BEST1: variants seen among roughly 807,000 people sequenced by gnomAD.
The protein encoded by BEST1 is bestrophin 1, also known as bestrophin-1.
Under a neutral mutation model 63.3 loss-of-function variants are expected in BEST1, and 58 were observed. The observed-to-expected ratio is 0.92, with a 90% CI of 0.74 to 1.14. The LOEUF (loss-of-function observed/expected upper bound fraction) is 1.14, where lower values mean the gene tolerates loss of function less well. Ranked by LOEUF, BEST1 falls within the 50% of genes most tolerant of loss-of-function variation. The probability of loss-of-function intolerance (pLI) is 0.00; values close to 1 mark genes in which losing one functional copy is unlikely to be tolerated. For missense variants in BEST1, 671 were observed against 740.1 expected (o/e 0.91, Z 1.08); for synonymous variants, 283 against 291.6 (o/e 0.97, Z 0.30).
At chr11:61,964,050 T>G (rs1942353820) in intron 10 of BEST1, 54 bp from the exon 11 acceptor site, 3 of 1,612,514 alleles carry the variant, frequency 1.9e-6, no homozygotes, top group East Asian at 2.2e-5. Flanking sequence ...ATTTTGGTAT[T>G]TGAAATGAAG....
Position 61,958,313 on chromosome 11 carries a change from G to A in BEST1, c.867+15G>A, listed in dbSNP as rs957539612. 1.2e-6 allele frequency: 2 copies of A among 1,614,078 alleles called. No individual in the cohort carries two copies. The highest frequency in any genetic ancestry group is 1.7e-6 in the Non-Finnish European group (2 of 1,180,036). ...GCTGGCTGAAGGTGGGCCTCTCCAG[G>A]GCCCTGCTGGGCTGGAGGCATGGCC... On this transcript the variant is annotated intron_variant, in intron 7 of 10. Transcript: ENST00000378043.
At chr11:61,949,914 A>G (rs1312328310), upstream of BEST1, 6 of 152,328 alleles carry the variant, frequency 3.9e-5, no homozygotes, top group African/African-American at 1.4e-4. Context: ...AGGACTGTTG[A>G]CTGCAGCCCG....
intron 9 of BEST1, 171 bp from the exon 10 acceptor site, chr11:61,962,083 CG>C (rs1403950763): frequency 1.1e-5 from 7 of 665,550 alleles, no homozygotes; most frequent in East Asian, 5.4e-5. Flanking sequence ...GAGGGATCAC[CG>C]GGAGGTACAG....
chr11:61,958,403 G>T, intron 7 of BEST1, 105 bp downstream of exon 7: 1 of 1,585,482 alleles, frequency 6.3e-7, no homozygotes, highest in Non-Finnish European at 8.6e-7. Flanking sequence ...AGGTCTCACG[G>T]GTAGAAAGCA....
At chr11:61,951,514 A>T (rs780930453) in intron 1 of BEST1, among the ~76,000 whole-genome samples, 9 of 152,168 alleles carry the variant, frequency 5.9e-5, no homozygotes, top group Non-Finnish European at 1.3e-4. Context: ...CAGTGATTAT[A>T]GAAAGTTAAA....
chr11:61,954,183 A>C (rs541918434), intron 2 of BEST1, among the ~76,000 whole-genome samples: 38 of 152,276 alleles, frequency 2.5e-4, no homozygotes, highest in Non-Finnish European at 4.0e-4. Flanking sequence ...ATTGAGCAGA[A>C]GGTAGAGTTC....
rs756778385 is a variant in BEST1 at position 61,955,830 on chromosome 11, A to G, written c.360A>G (p.Gln120=). The change falls in exon 4 of 11, where the codon CAA becomes CAG. Residue 120 remains glutamine (Q), a synonymous_variant. Transcript: ENST00000378043. Reference sequence around the variant, plus strand: ...GCTTCGTCGAAGGCAAGGACGAGCAAGGCCGGCTGCTGCGGCGCACGCTCA... The same window carrying G: ...GCTTCGTCGAAGGCAAGGACGAGCAGGGCCGGCTGCTGCGGCGCACGCTCA... The part of the protein sequence containing the change: ...VSGFVEGKDE[Q]GRLLRRTLIR... The G allele has an allele frequency of 6.4e-7, 1 of 1,550,400 alleles. No individual in the cohort carries two copies. The highest frequency in any genetic ancestry group is 1.4e-5 in the African/African-American group (1 of 73,042).
chr11:61,965,119 G>A (rs374746157), downstream of BEST1: 1 of 1,603,696 alleles, frequency 6.2e-7, no homozygotes, highest in South Asian at 1.1e-5. Context: ...GTTTCTGAAT[G>A]AGAATAGGTT....
intron 9 of BEST1, chr11:61,961,942 C>T (rs1309849347): frequency 2.4e-6 from 1 of 412,366 alleles, no homozygotes; most frequent in Non-Finnish European, 4.5e-6. Flanking sequence ...TTCTGACTGC[C>T]TGGAGTGAGG....
At chr11:61,965,085 C>T (rs368627145), downstream of BEST1, 6 of 1,607,170 alleles carry the variant, frequency 3.7e-6, no homozygotes, top group Non-Finnish European at 5.1e-6. Context: ...GCATTCAGCC[C>T]GCTCTCCCAG....
intron 10 of BEST1, chr11:61,963,835 C>T (rs1942322168): frequency 5.4e-6 from 7 of 1,284,982 alleles, no homozygotes; most frequent in Non-Finnish European, 7.0e-6. Context: ...GAAACCCCAT[C>T]TCTACCAAAA....
chr11:61,958,914 ACACACACACGC>A lies in BEST1; in HGVS notation c.868-583_868-573del, dbSNP rs1293818443. On this transcript the variant is annotated intron_variant, in intron 7 of 10. Coordinates refer to ENST00000378043, the MANE Select transcript of BEST1 (RefSeq NM_004183.4). ...CACACACACACACACACATACACACACACACACACGCATTCCTATTCCTCTAAATTCCCCCT... is the reference window on the plus strand; with the variant it reads ...CACACACACACACACACATACACACAATTCCTATTCCTCTAAATTCCCCCT... 14 of 194,854 alleles carry A rather than the reference ACACACACACGC, an allele frequency of 7.2e-5. 1 individual carries two copies. The highest frequency in any genetic ancestry group is 1.2e-4 in the Non-Finnish European group (12 of 101,398). 12.1% of individuals were successfully genotyped at this position (194,854 alleles called of 1,614,324 possible).
chr11:61,958,071 T>G, intron 6 of BEST1, 75 bp from the exon 7 acceptor site: 1 of 1,608,922 alleles, frequency 6.2e-7, no homozygotes, highest in Middle Eastern at 1.8e-4. Flanking sequence ...TGTCTCAGAC[T>G]CCCAGCCCCT....
At chr11:61,958,724 C>T (rs1018200574) in intron 7 of BEST1, 3 of 409,882 alleles carry the variant, frequency 7.3e-6, no homozygotes, top group African/African-American at 2.0e-5. Flanking sequence ...GCCAATACTC[C>T]GAACAGATGT....
At chr11:61,958,835 G>C (rs1461568174) in intron 7 of BEST1, 3 of 312,040 alleles carry the variant, frequency 9.6e-6, no homozygotes, top group Non-Finnish European at 1.9e-5. Flanking sequence ...TTTGGTAATG[G>C]GGGTGTAAGT....
chr11:61,951,644 G>A (rs1940669281), intron 1 of BEST1, 127 bp from the exon 2 acceptor site: 4 of 925,444 alleles, frequency 4.3e-6, no homozygotes, highest in East Asian at 5.3e-5. Context: ...GGGCCTTGGA[G>A]ACCACTTCAT....
intron 9 of BEST1, chr11:61,962,016 T>G (rs1591310710): frequency 8.9e-6 from 5 of 560,824 alleles, no homozygotes; most frequent in Non-Finnish European, 1.6e-5. Context: ...GTTGCGGGGG[T>G]TGGATGTTAA....
chr11:61,955,737 C>A lies in BEST1; in HGVS notation c.267C>A (p.Val89=). The change falls in exon 4 of 11, where the codon GTC becomes GTA. Residue 89 remains valine, a synonymous_variant. Coordinates refer to ENST00000378043, the MANE Select transcript of BEST1 (RefSeq NM_004183.4). ...GCCCAGGCTTCTACGTGACGCTGGT[C>A]GTGACCCGCTGGTGGAACCAGTACG... The part of the protein sequence containing the change: ...SFVLGFYVTL[V]VTRWWNQYEN... 6.5e-7 allele frequency: 1 copy of A among 1,546,832 alleles called. No individual in the cohort carries two copies. The highest frequency in any genetic ancestry group is 1.2e-5 in the South Asian group (1 of 83,924).
rs955214914 is a variant in BEST1, at chr11:61,951,914, C to A, written c.108C>A (p.Phe36Leu). ...GSIYKLLYGE[F>L]LIFLLCYYII... ...TCTACAAGCTGCTATATGGCGAGTTCTTAATCTTCCTGCTCTGCTACTACA... is the reference window on the plus strand; with the variant it reads ...TCTACAAGCTGCTATATGGCGAGTTATTAATCTTCCTGCTCTGCTACTACA... The change falls in exon 2 of 11, where the codon TTC (phenylalanine) becomes TTA (leucine). Residue 36 changes from phenylalanine to leucine, a missense_variant. Coordinates refer to ENST00000378043, the MANE Select transcript of BEST1 (RefSeq NM_004183.4). 1 of 1,613,720 alleles carries A rather than the reference C, an allele frequency of 6.2e-7. No homozygotes were observed. Among genetic ancestry groups the A allele is most frequent in the Non-Finnish European group, 8.5e-7 (1 of 1,179,948 alleles).
Sources: gnomAD v4.1 joint callset for allele counts (sites outside exome capture counted in the v4.1 genomes callset) on GRCh38, gnomAD v4.1.1 for gene constraint, MANE v1.5 for transcripts, NCBI Gene and HGNC (gene_info 2026-07-23, HGNC 2026-07-21) for gene names.